Variants in PIK3C2A observed in about 807,000 individuals in gnomAD.
The protein encoded by PIK3C2A is phosphatidylinositol 4-phosphate 3-kinase C2 domain-containing subunit alpha.
A neutral mutation model predicts 204.5 loss-of-function variants in PIK3C2A; 97 were observed. The observed-to-expected ratio is 0.47, with a 90% CI of 0.40 to 0.56. The LOEUF is 0.56. PIK3C2A is among the 20% of genes least tolerant of loss of function. PIK3C2A has a pLI of 0.00. For synonymous variants in PIK3C2A, 653 were observed against 664.4 expected (o/e 0.98, Z 0.26); for missense variants, 1,735 against 1,969.2 (o/e 0.88, Z 2.25).
chr11:17,149,945 T>C (rs951205852), intron 4 of PIK3C2A, among the ~76,000 whole-genome samples: 1 of 152,186 alleles, frequency 6.6e-6, no homozygotes, highest in African/African-American at 2.4e-5. Flanking sequence ...ATACAGGATC[T>C]CATTCCTTGG....
chr11:17,172,532 A>T (rs1851211602), intron 1 of PIK3C2A, among the ~76,000 whole-genome samples: 1 of 152,224 alleles, frequency 6.6e-6, no homozygotes, highest in Admixed American at 6.5e-5. Flanking sequence ...AACCCACAGA[A>T]TCATTTTGGA....
At chr11:17,114,072 T>C (rs1435729792) in intron 20 of PIK3C2A, among the ~76,000 whole-genome samples, 1 of 150,238 alleles carries the variant, frequency 6.7e-6, no homozygotes, top group Admixed American at 6.7e-5. Flanking sequence ...AGTGAGACTT[T>C]GTCTCAAAAA....
Position 17,102,754 on chromosome 11 carries a change from A to G in PIK3C2A, c.3759T>C (p.Asn1253=). The change falls in exon 24 of 33, where the codon AAT becomes AAC. Residue 1253 remains asparagine, a synonymous_variant. Coordinates refer to ENST00000691414, the MANE Select transcript of PIK3C2A (RefSeq NM_002645.4). ...CCGTGCTTCGAAGCATTATATTGTC[A>G]TTGTGTCGATCACAGATGCCTAAAA... ...TYVLGICDRH[N]DNIMLRSTGH... is the part of the protein sequence containing the mutation. 1 of 1,613,562 alleles carries G rather than the reference A, an allele frequency of 6.2e-7. No individual in the cohort carries two copies. Among genetic ancestry groups the G allele is most frequent in the Non-Finnish European group, 8.5e-7 (1 of 1,179,542 alleles).
intron 3 of PIK3C2A, among the ~76,000 whole-genome samples, chr11:17,152,088 C>T (rs892322552): frequency 6.6e-6 from 1 of 152,122 alleles, no homozygotes; most frequent in African/African-American, 2.4e-5. Context: ...TAAAACTTAG[C>T]TTGGTTTGAG....
intron 11 of PIK3C2A, among the ~76,000 whole-genome samples, chr11:17,133,255 AT>A (rs1849759173): frequency 6.6e-6 from 1 of 152,002 alleles, no homozygotes; most frequent in Middle Eastern, 3.4e-3. Flanking sequence ...GTGTGTGTCT[AT>A]GTACAAACGT....
At chr11:17,113,484 T>C (rs1227963145) in intron 20 of PIK3C2A, among the ~76,000 whole-genome samples, 1 of 152,062 alleles carries the variant, frequency 6.6e-6, no homozygotes, top group Non-Finnish European at 1.5e-5. Flanking sequence ...TTATTAGCAA[T>C]GATCAAATCT....
At chr11:17,119,760 A>G (rs758002263) in intron 16 of PIK3C2A, 26 bp downstream of exon 16, 11 of 1,423,232 alleles carry the variant, frequency 7.7e-6, no homozygotes, top group African/African-American at 1.5e-5. Flanking sequence ...CAATAAAACA[A>G]GAGCAAATAA....
intron 22 of PIK3C2A, among the ~76,000 whole-genome samples, chr11:17,109,527 A>C (rs1848931282): frequency 6.6e-6 from 1 of 152,246 alleles, no homozygotes; most frequent in Admixed American, 6.5e-5. Flanking sequence ...ATTTTATAAA[A>C]ATGAAATCAA....
chr11:17,112,697 G>T, intron 20 of PIK3C2A, 31 bp from the exon 21 acceptor site: 2 of 1,166,768 alleles, frequency 1.7e-6, no homozygotes, highest in Non-Finnish European at 2.4e-6. Context: ...GCATTAGAAA[G>T]ATAAATGAAA....
chr11:17,159,040 G>A (rs1022699793), intron 2 of PIK3C2A, among the ~76,000 whole-genome samples: 3 of 151,918 alleles, frequency 2.0e-5, no homozygotes, highest in Non-Finnish European at 4.4e-5. Flanking sequence ...GCTCTTTCTG[G>A]AATAAAAAAT....
At chr11:17,099,681 C>A (rs546734220) in intron 26 of PIK3C2A, among the ~76,000 whole-genome samples, 179 bp downstream of exon 26, 4 of 152,218 alleles carry the variant, frequency 2.6e-5, no homozygotes, top group African/African-American at 9.6e-5. Context: ...AATATTATTG[C>A]AAATCCTTTG....
rs1849252712 is a variant in PIK3C2A at position 17,117,792 on chromosome 11, C to T, written c.3036-121G>A. On this transcript the variant is annotated intron_variant, in intron 18 of 32. Coordinates refer to ENST00000691414, the MANE Select transcript of PIK3C2A (RefSeq NM_002645.4). ...GCAGTGGCGCCATCTCGGCTCACTG[C>T]AAGCTCTGCCTCCCGGGTTCACGCC... 5.4e-6 allele frequency: 3 copies of T among 553,214 alleles called. No homozygotes were observed. The Admixed American group carries it at 9.8e-5, about 18-fold the overall frequency. The allele number at this position is 553,214 out of a possible 1,614,324, so 34.3% of individuals were successfully genotyped here.
chr11:17,194,512 C>G (rs1288509303), intron 1 of PIK3C2A: 2 of 153,598 alleles, frequency 1.3e-5, no homozygotes, highest in Non-Finnish European at 2.9e-5. Context: ...GAGTTTCTGC[C>G]CCATCCCTAT....
At chr11:17,109,854 G>A (rs1162413913) in intron 22 of PIK3C2A, among the ~76,000 whole-genome samples, 1 of 152,078 alleles carries the variant, frequency 6.6e-6, no homozygotes, top group Non-Finnish European at 1.5e-5. Context: ...TTATTTTTAA[G>A]TTTAAAAGCT....
intron 1 of PIK3C2A, among the ~76,000 whole-genome samples, chr11:17,203,952 T>G (rs1852472353): frequency 1.3e-5 from 2 of 152,274 alleles, no homozygotes; most frequent in South Asian, 4.1e-4. Context: ...CGGGCGCCTG[T>G]AGTCCCAGCT....
Position 17,169,616 on chromosome 11 carries a change from C to A in PIK3C2A, c.126G>T (p.Leu42=). The part of the protein sequence containing the change: ...LQMEAEALAK[L]QKDRQVTDNQ... ...TGTCAGTCACTTGTCTATCCTTTTG[C>A]AGTTTTGCTAAAGCCTCTGCTTCCA... Residue 42 remains leucine, a synonymous_variant, in exon 2 of 33, where the codon CTG becomes CTT. Transcript: ENST00000691414. The A allele has an allele frequency of 6.2e-7, 1 of 1,614,024 alleles. No individual in the cohort carries two copies. The highest frequency in any genetic ancestry group is 8.5e-7 in the Non-Finnish European group (1 of 1,180,010).
intron 2 of PIK3C2A, among the ~76,000 whole-genome samples, chr11:17,168,302 C>T (rs530960764): frequency 6.6e-6 from 1 of 152,236 alleles, no homozygotes; most frequent in African/African-American, 2.4e-5. Context: ...AAATTATGGG[C>T]TGGGCGCAGT....
At chr11:17,158,058 A>G (rs1025480160) in intron 2 of PIK3C2A, among the ~76,000 whole-genome samples, 41 of 152,208 alleles carry the variant, frequency 2.7e-4, no homozygotes, top group African/African-American at 9.6e-4. Flanking sequence ...TCAAAAATCT[A>G]TTAATTTTTG....
In PIK3C2A at chr11:17,145,763, G is replaced by A. The variant is rs1471414237; in HGVS notation, c.1641-32C>T. 3.8e-6 allele frequency: 6 copies of A among 1,560,846 alleles called. No homozygotes were observed. The East Asian group carries it at 1.1e-4, about 29-fold the overall frequency. On this transcript the variant is annotated intron_variant, in intron 7 of 32. Coordinates refer to ENST00000691414, the MANE Select transcript of PIK3C2A (RefSeq NM_002645.4). ...GAAACAACAGTTATTGTGGCTGAAG[G>A]ATGCTACACACAAAATGATTGTTTT...
Sources: gnomAD v4.1 joint callset for allele counts (sites outside exome capture counted in the v4.1 genomes callset) on GRCh38, gnomAD v4.1.1 for gene constraint, MANE v1.5 for transcripts, NCBI Gene and HGNC (gene_info 2026-07-23, HGNC 2026-07-21) for gene names.